DCLK1: variants seen among roughly 807,000 people sequenced by gnomAD.
DCLK1 encodes the protein doublecortin like kinase 1.
Under a neutral mutation model 86.2 loss-of-function variants are expected in DCLK1, and 16 were observed. The ratio of observed to expected loss-of-function variants is 0.19; its 90% CI spans 0.13 to 0.28. The LOEUF (loss-of-function observed/expected upper bound fraction) is 0.28, where lower values mean the gene tolerates loss of function less well. Ranked by LOEUF, DCLK1 falls within the 10% of genes least tolerant of loss-of-function variation. The pLI is 1.00. For synonymous variants in DCLK1, 369 were observed against 370.5 expected, an observed-to-expected ratio of 1.00 and a Z score of 0.05; for missense variants, 590 against 940.2, an observed-to-expected ratio of 0.63 and a Z score of 4.87.
chr13:35,894,181 T>G (rs1333481002), intron 4 of DCLK1, among the ~76,000 whole-genome samples: 1 of 151,984 alleles, frequency 6.6e-6, no homozygotes, highest in Non-Finnish European at 1.5e-5. Flanking sequence ...GAAATACTTC[T>G]GGCCCCAAGC....
intron 3 of DCLK1, among the ~76,000 whole-genome samples, chr13:36,102,813 T>C (rs1230864979): frequency 6.6e-6 from 1 of 152,200 alleles, no homozygotes; most frequent in Non-Finnish European, 1.5e-5. Context: ...TTACATGCTG[T>C]TTGCTTCTCG....
chr13:36,119,343 A>G (rs1309988018), intron 2 of DCLK1, among the ~76,000 whole-genome samples: 1 of 152,210 alleles, frequency 6.6e-6, no homozygotes, highest in Non-Finnish European at 1.5e-5. Context: ...TTTGGAAAGT[A>G]AAGAGGGAAA....
chr13:35,848,184 T>A lies in DCLK1; in HGVS notation c.1035+6315A>T. ...TGGCTTTTGCTGAAGCATTCCCCGCTCAGTAGAACAATTTAAAAATTCATT... is the reference window on the plus strand; with the variant it reads ...TGGCTTTTGCTGAAGCATTCCCCGCACAGTAGAACAATTTAAAAATTCATT... On this transcript the variant is annotated intron_variant, in intron 6 of 16. Transcript: ENST00000360631. The A allele has an allele frequency of 2.0e-6, 2 of 985,294 alleles. 1 individual carries two copies. 61.0% of individuals were successfully genotyped at this position (985,294 alleles called of 1,614,324 possible). A position where few individuals can be genotyped will look rare whatever the true frequency, so the allele number is the denominator to read the frequency against.
intron 3 of DCLK1, among the ~76,000 whole-genome samples, chr13:36,078,996 G>A (rs1884319856): frequency 6.6e-6 from 1 of 152,132 alleles, no homozygotes; most frequent in Non-Finnish European, 1.5e-5. Context: ...TGCAGTCAGG[G>A]AGAGAAAATC....
chr13:36,075,832 C>A lies in DCLK1; in HGVS notation c.723+36037G>T, dbSNP rs549682856. On this transcript the variant is annotated intron_variant, in intron 3 of 16. Transcript: ENST00000360631. The stretch of plus-strand genomic sequence containing the variant: ...AGGAGTTTGAGACCATCCTGGCCAA[C>A]ATGGTGAAACCCCATCTCTGCTAAA... Among the ~76,000 whole-genome samples the A allele has an allele frequency of 2.6e-5, 4 of 152,256 alleles. No individual in the cohort carries two copies. The East Asian group carries it at 7.7e-4, about 29-fold the overall frequency.
chr13:35,820,498 C>G (rs537135803), intron 11 of DCLK1, among the ~76,000 whole-genome samples: 16 of 152,230 alleles, frequency 1.1e-4, no homozygotes, highest in Non-Finnish European at 2.2e-4. Flanking sequence ...TAAAAGTGCA[C>G]TCCAATGTAA....
chr13:36,126,058 A>C lies in DCLK1; in HGVS notation c.80T>G (p.Val27Gly). Residue 27 changes from valine (V) to glycine (G), a missense_variant, in exon 2 of 17, where the codon GTG (valine) becomes GGG (glycine). Coordinates refer to ENST00000360631, the MANE Select transcript of DCLK1 (RefSeq NM_001330071.2). ...KAQRYSRGSR[V>G]NGLPSPTHSA... ...GTGCGTCGGGCTCGGCAGGCCGTTC[A>C]CCCGCGACCCTCGGCTGTATCTCTG... 2 of 1,613,068 alleles carry C rather than the reference A, an allele frequency of 1.2e-6. No homozygotes were observed. Among genetic ancestry groups the C allele is most frequent in the South Asian group, 2.2e-5 (2 of 91,028 alleles).
At chr13:35,974,150 G>A (rs970170632) in intron 3 of DCLK1, among the ~76,000 whole-genome samples, 19 of 152,174 alleles carry the variant, frequency 1.2e-4, no homozygotes, top group African/African-American at 4.6e-4. Context: ...AACATTCGTT[G>A]AGCATTTGTT....
chr13:36,116,794 T>C (rs977235622), intron 2 of DCLK1, among the ~76,000 whole-genome samples: 2 of 152,186 alleles, frequency 1.3e-5, no homozygotes, highest in Non-Finnish European at 1.5e-5. Context: ...TATGGCAAAA[T>C]CTAGGAAAAA....
intron 3 of DCLK1, among the ~76,000 whole-genome samples, chr13:36,068,340 GC>G (rs1197406391): frequency 6.6e-6 from 1 of 152,080 alleles, no homozygotes; most frequent in African/African-American, 2.4e-5. Flanking sequence ...AAAATAAGAG[GC>G]CATGTAAATC....
intron 3 of DCLK1, among the ~76,000 whole-genome samples, chr13:36,014,816 G>C (rs1881467358): frequency 6.6e-6 from 1 of 152,138 alleles, no homozygotes; most frequent in South Asian, 2.1e-4. Context: ...TTAAGCTATA[G>C]ACTCATCAGA....
rs558406866 is a variant in DCLK1, at chr13:36,005,594, G to C, written c.724-58137C>G. Reference sequence around the variant, plus strand: ...GTATCTCTGGAAAACACTAGAAAAGGGTGCAGGGAAATATGCTATTCAACC... The same window carrying C: ...GTATCTCTGGAAAACACTAGAAAAGCGTGCAGGGAAATATGCTATTCAACC... On this transcript the variant is annotated intron_variant, in intron 3 of 16. Coordinates refer to ENST00000360631, the MANE Select transcript of DCLK1 (RefSeq NM_001330071.2). Among the ~76,000 whole-genome samples, 11 of 152,280 alleles carry C rather than the reference G, an allele frequency of 7.2e-5. No individual in the cohort carries two copies. The South Asian group carries it at 1.5e-3, about 20-fold the overall frequency.
At chr13:35,834,740 G>C (rs1283322130) in intron 8 of DCLK1, among the ~76,000 whole-genome samples, 2 of 152,144 alleles carry the variant, frequency 1.3e-5, no homozygotes, top group Admixed American at 6.5e-5. Flanking sequence ...ACGGTGGCCT[G>C]GCAGCATCAA....
At chr13:35,848,938 G>A in intron 6 of DCLK1, 3 of 985,358 alleles carry the variant, frequency 3.0e-6, no homozygotes, top group Non-Finnish European at 3.6e-6. Context: ...TTTGATCTCA[G>A]CAGGAGTCTC....
In DCLK1 at chr13:35,781,148, G is replaced by T. The variant is rs557038440; in HGVS notation, c.2059-6449C>A. On this transcript the variant is annotated intron_variant, in intron 16 of 16. Transcript: ENST00000360631. The stretch of plus-strand genomic sequence containing the variant: ...GAAGGTCAGGAATAATCAAGAACAT[G>T]AATTGAAGCATTAGCTTAGGTTTTG... Among the ~76,000 whole-genome samples, 18 of 151,564 alleles carry T rather than the reference G, an allele frequency of 1.2e-4. No individual in the cohort carries two copies. In the East Asian group the frequency reaches 3.1e-3, roughly 26 times the overall value.
chr13:35,947,118 T>C (rs1033578132), intron 4 of DCLK1, among the ~76,000 whole-genome samples: 3 of 152,204 alleles, frequency 2.0e-5, no homozygotes, highest in Non-Finnish European at 4.4e-5. Context: ...TATTAAGTGG[T>C]TATAAATTAG....
intron 1 of DCLK1, among the ~76,000 whole-genome samples, chr13:36,128,392 A>G (rs542622595): frequency 6.6e-6 from 1 of 152,288 alleles, no homozygotes; most frequent in African/African-American, 2.4e-5. Flanking sequence ...TGTAACTCCA[A>G]AGCTGGTGTT....
intron 3 of DCLK1, among the ~76,000 whole-genome samples, chr13:36,028,068 T>G (rs1882115849): frequency 6.6e-6 from 1 of 152,222 alleles, no homozygotes; most frequent in East Asian, 1.9e-4. Context: ...GATTCATATT[T>G]GATTTTTAAG....
chr13:35,834,819 C>G (rs1195700106), intron 8 of DCLK1, among the ~76,000 whole-genome samples: 2 of 152,184 alleles, frequency 1.3e-5, no homozygotes, highest in African/African-American at 2.4e-5. Context: ...TCAGCTGGGT[C>G]TCTGTCCCTG....
Sources: gnomAD v4.1 joint callset for allele counts (sites outside exome capture counted in the v4.1 genomes callset) on GRCh38, gnomAD v4.1.1 for gene constraint, MANE v1.5 for transcripts, NCBI Gene and HGNC (gene_info 2026-07-23, HGNC 2026-07-21) for gene names.